The following BBS7 variants were observed in gnomAD, a reference collection of about 807,000 sequenced individuals.
BBS7 encodes BBSome complex member BBS7.
In BBS7, 50 loss-of-function variants were observed where a neutral mutation model predicts 90.3. That is an observed-to-expected ratio of 0.55 (90% confidence interval 0.44 to 0.70). The LOEUF is 0.70. Among genes scored for constraint, BBS7 ranks in the 30% least tolerant of loss-of-function variants. The probability of loss-of-function intolerance (pLI) is 0.00; values close to 1 mark genes in which losing one functional copy is unlikely to be tolerated. For synonymous variants in BBS7, 235 were observed against 287.4 expected (o/e 0.82, Z 1.85); for missense variants, 729 against 838.9 (o/e 0.87, Z 1.62).
At chr4:121,832,009 A>ACACACACACACACACACACACAC (rs1725207388) in intron 15 of BBS7, among the ~76,000 whole-genome samples, 2 of 142,872 alleles carry the variant, frequency 1.4e-5, no homozygotes, top group African/African-American at 5.3e-5. Flanking sequence ...AAAAAACAAA[A>ACACACACACACACACACACACAC]ACACACACAC....
rs544172831 is a variant in BBS7, at chr4:121,845,905, T to C, written c.1038-209A>G. Among the ~76,000 whole-genome samples the C allele has an allele frequency of 2.0e-5, 3 of 152,286 alleles. No homozygotes were observed. In the South Asian group the frequency reaches 6.2e-4, roughly 32 times the overall value. Reference sequence around the variant, plus strand: ...TATCCTTAACCCCAAAATTAAAATATCTACTCATTCCCATACTAGCAATAT... The same window carrying C: ...TATCCTTAACCCCAAAATTAAAATACCTACTCATTCCCATACTAGCAATAT... On this transcript the variant is annotated intron_variant, in intron 10 of 18. Transcript: ENST00000264499.
At position 121,839,667 on chromosome 4, in the gene BBS7, A is replaced by G. The variant is rs1234317489; in HGVS notation, c.1335T>C (p.Tyr445=). The part of the protein sequence containing the change: ...ESNDNFLLAT[Y]RCQADTTRLE... Reference sequence around the variant, plus strand: ...GCCTTGTAGTATCTGCCTGGCACCGATAAGTGGCAAGAAGGAAGTTGTCGT... The same window carrying G: ...GCCTTGTAGTATCTGCCTGGCACCGGTAAGTGGCAAGAAGGAAGTTGTCGT... The change falls in exon 13 of 19, where the codon TAT becomes TAC. Residue 445 remains tyrosine, a synonymous_variant. Coordinates refer to ENST00000264499, the MANE Select transcript of BBS7 (RefSeq NM_176824.3). 3 of 1,613,804 alleles carry G rather than the reference A, an allele frequency of 1.9e-6. No homozygotes were observed. In the African/African-American group the frequency reaches 4.0e-5, roughly 22 times the overall value.
chr4:121,844,912 G>A (rs953834823), intron 11 of BBS7, among the ~76,000 whole-genome samples: 1 of 152,104 alleles, frequency 6.6e-6, no homozygotes, highest in African/African-American at 2.4e-5. Context: ...CTCCCAGAGG[G>A]TAGCCAAAGA....
At chr4:121,845,766 A>T in intron 10 of BBS7, 70 bp from the exon 11 acceptor site, 3 of 1,409,244 alleles carry the variant, frequency 2.1e-6, no homozygotes, top group Non-Finnish European at 3.0e-6. Flanking sequence ...ATGTTTACAA[A>T]AATTTGAGAC....
At chr4:121,860,724 A>G (rs1390531962) in intron 4 of BBS7, among the ~76,000 whole-genome samples, 5 of 152,120 alleles carry the variant, frequency 3.3e-5, no homozygotes, top group Non-Finnish European at 7.4e-5. Flanking sequence ...TTTTAATCTA[A>G]TTTCACCAAG....
At chr4:121,866,414 C>T (rs996157822) in intron 2 of BBS7, among the ~76,000 whole-genome samples, 1 of 151,826 alleles carries the variant, frequency 6.6e-6, no homozygotes. Flanking sequence ...AGGTGCCTGC[C>T]ACAATGACAA....
chr4:121,828,787 A>T, intron 15 of BBS7, 59 bp from the exon 16 acceptor site: 1 of 1,005,828 alleles, frequency 9.9e-7, no homozygotes, highest in Non-Finnish European at 1.5e-6. Context: ...TCCAGTACAT[A>T]TATATTTTAT....
chr4:121,842,779 ACAATG>A (rs1169018191), intron 12 of BBS7, among the ~76,000 whole-genome samples: 1 of 152,204 alleles, frequency 6.6e-6, no homozygotes, highest in Non-Finnish European at 1.5e-5. Flanking sequence ...CTTGCCTTCT[ACAATG>A]CAATTAATCC....
rs1248970786 is a variant in BBS7, at chr4:121,870,210, G to A, written c.36+68C>T. ...CTGGCGACCGAGACTTTCGTCAGTG[G>A]AAGGAAGGAATCCTCTCCGGGTGCT... On this transcript the variant is annotated intron_variant, in intron 1 of 18. Transcript: ENST00000264499. The A allele has an allele frequency of 8.1e-6, 13 of 1,601,584 alleles. No homozygotes were observed. The East Asian group carries it at 8.9e-5, about 11-fold the overall frequency.
At chr4:121,860,531 ACT>A (rs1323306154) in intron 4 of BBS7, among the ~76,000 whole-genome samples, 2 of 152,106 alleles carry the variant, frequency 1.3e-5, no homozygotes, top group Non-Finnish European at 2.9e-5. Flanking sequence ...TTACTGAGAA[ACT>A]CTCTATCTTT....
At chr4:121,860,662 C>T (rs574902332) in intron 4 of BBS7, among the ~76,000 whole-genome samples, 1 of 152,246 alleles carries the variant, frequency 6.6e-6, no homozygotes, top group African/African-American at 2.4e-5. Context: ...AAAAGTGTTA[C>T]TATTCTTGTT....
chr4:121,855,924 A>G (rs549308546), intron 5 of BBS7, among the ~76,000 whole-genome samples: 1 of 146,094 alleles, frequency 6.8e-6, no homozygotes, highest in East Asian at 2.0e-4. Flanking sequence ...ATATGTGTAC[A>G]TGTACATGTG....
At chr4:121,859,769 A>G (rs1457100094) in intron 4 of BBS7, among the ~76,000 whole-genome samples, 1 of 146,646 alleles carries the variant, frequency 6.8e-6, no homozygotes, top group Non-Finnish European at 1.5e-5. Flanking sequence ...TAAACAGCAG[A>G]AAAAAAAAGA....
In BBS7 at chr4:121,828,240, G is replaced by A. The variant is rs1412859113; in HGVS notation, c.1920C>T (p.Asn640=). ...KELQIHEGNT[N]FLIPEYHCIL... is the part of the protein sequence containing the mutation. The stretch of plus-strand genomic sequence containing the variant: ...TACAGTGATATTCTGGTATCAGAAA[G>A]TTCGTATTTCCCTCATGAATCTGTA... The change falls in exon 18 of 19, where the codon AAC becomes AAT. Residue 640 remains asparagine, a synonymous_variant. Coordinates refer to ENST00000264499, the MANE Select transcript of BBS7 (RefSeq NM_176824.3). The A allele has an allele frequency of 6.2e-7, 1 of 1,613,656 alleles. No homozygotes were observed.
intron 18 of BBS7, 141 bp downstream of exon 18, chr4:121,828,005 T>C: frequency 6.7e-7 from 1 of 1,487,248 alleles, no homozygotes; most frequent in Non-Finnish European, 8.9e-7. Context: ...AATAAATTTG[T>C]TGTCAACTGA....
chr4:121,861,762 G>T, intron 3 of BBS7, 83 bp from the exon 4 acceptor site: 4 of 1,400,832 alleles, frequency 2.9e-6, no homozygotes, highest in Non-Finnish European at 4.0e-6. Context: ...ATGTTATGAT[G>T]TTAAATTTGC....
At position 121,825,254 on chromosome 4, in the gene BBS7, G is replaced by A. The variant is rs1724853639; in HGVS notation, c.*606C>T. On this transcript the variant is annotated 3_prime_UTR_variant, in exon 19 of 19. Coordinates refer to ENST00000264499, the MANE Select transcript of BBS7 (RefSeq NM_176824.3). ...CTACCAAGCAAAAGGAATATCAGTT[G>A]CAAATCAATCCTATCTCCTAGAAAA... 1 of 152,196 alleles carries A rather than the reference G, an allele frequency of 6.6e-6. No individual in the cohort carries two copies. Among genetic ancestry groups the A allele is most frequent in the Non-Finnish European group, 1.5e-5 (1 of 68,082 alleles). 9.4% of individuals were successfully genotyped at this position (152,196 alleles called of 1,614,324 possible).
chr4:121,839,568 G>C, intron 13 of BBS7, 63 bp downstream of exon 13: 2 of 1,273,060 alleles, frequency 1.6e-6, no homozygotes, highest in Admixed American at 3.4e-5. Flanking sequence ...TATGTTGTAA[G>C]ACATACCAGC....
In BBS7 at chr4:121,825,809, C is replaced by G; in HGVS notation, c.*51G>C. On this transcript the variant is annotated 3_prime_UTR_variant, in exon 19 of 19. Coordinates refer to ENST00000264499, the MANE Select transcript of BBS7 (RefSeq NM_176824.3). ...CAGTTAACTTCTAATTCTCTTTTAACATTTTTCATTTAAACAGACCACTTC... is the reference window on the plus strand; with the variant it reads ...CAGTTAACTTCTAATTCTCTTTTAAGATTTTTCATTTAAACAGACCACTTC... 1 of 1,584,496 alleles carries G rather than the reference C, an allele frequency of 6.3e-7. No individual in the cohort carries two copies.
Sources: gnomAD v4.1 joint callset for allele counts (sites outside exome capture counted in the v4.1 genomes callset) on GRCh38, gnomAD v4.1.1 for gene constraint, MANE v1.5 for transcripts, NCBI Gene and HGNC (gene_info 2026-07-23, HGNC 2026-07-21) for gene names.